The following LMAN2L variants were observed in gnomAD, a reference collection of about 807,000 sequenced individuals.
LMAN2L encodes the protein lectin, mannose binding 2 like.
A neutral mutation model predicts 44.3 loss-of-function variants in LMAN2L; 30 were observed. The observed-to-expected ratio is 0.68, with a 90% CI of 0.51 to 0.92. The LOEUF is 0.92. Ranked by LOEUF, LMAN2L falls within the 40% of genes least tolerant of loss-of-function variation. LMAN2L has a pLI of 0.00. For missense variants in LMAN2L, 429 were observed against 446.1 expected, an observed-to-expected ratio of 0.96 and a Z score of 0.35; for synonymous variants, 183 against 171.1, an observed-to-expected ratio of 1.07 and a Z score of -0.54.
intron 4 of LMAN2L, among the ~76,000 whole-genome samples, chr2:96,732,251 G>A (rs2078414758): frequency 6.9e-6 from 1 of 145,122 alleles, no homozygotes; most frequent in South Asian, 2.1e-4. Context: ...TTCCTCGCTA[G>A]GTACTTAGCT....
At chr2:96,712,702 C>T (rs868855266) in intron 4 of LMAN2L, among the ~76,000 whole-genome samples, 3 of 152,286 alleles carry the variant, frequency 2.0e-5, no homozygotes, top group Middle Eastern at 3.4e-3. Context: ...GTAACTTCTC[C>T]GAATAATAAT....
chr2:96,718,256 G>A (rs1029223675), intron 4 of LMAN2L, among the ~76,000 whole-genome samples: 9 of 152,030 alleles, frequency 5.9e-5, no homozygotes, highest in South Asian at 2.1e-4. Flanking sequence ...GTGCGTGGCC[G>A]GTTGTATTCT....
chr2:96,725,617 G>T (rs2078254385), intron 4 of LMAN2L, among the ~76,000 whole-genome samples: 1 of 148,950 alleles, frequency 6.7e-6, no homozygotes, highest in African/African-American at 2.5e-5. Context: ...TGATTTTTTT[G>T]TATTTTTTTA....
chr2:96,725,488 G>A (rs1346819530), intron 4 of LMAN2L, among the ~76,000 whole-genome samples: 6 of 150,892 alleles, frequency 4.0e-5, no homozygotes, highest in African/African-American at 1.5e-4. Context: ...TGTCACCCAG[G>A]CTGGAGTGCA....
At chr2:96,725,043 G>C (rs1307965526) in intron 4 of LMAN2L, among the ~76,000 whole-genome samples, 1 of 152,088 alleles carries the variant, frequency 6.6e-6, no homozygotes, top group Non-Finnish European at 1.5e-5. Context: ...GTGTTACCCA[G>C]GATGGTCTCG....
intron 6 of LMAN2L, among the ~76,000 whole-genome samples, chr2:96,710,478 C>T (rs1195914747): frequency 6.6e-6 from 1 of 152,134 alleles, no homozygotes. Flanking sequence ...CCATCCTGGC[C>T]AACATGGTGA....
chr2:96,724,852 G>T (rs1357708597), intron 4 of LMAN2L, among the ~76,000 whole-genome samples: 6 of 148,650 alleles, frequency 4.0e-5, no homozygotes, highest in South Asian at 2.1e-4. Flanking sequence ...TTTTTTTTTT[G>T]ATGGAGTCTT....
chr2:96,731,706 T>G (rs2078401446), intron 4 of LMAN2L, among the ~76,000 whole-genome samples: 1 of 152,108 alleles, frequency 6.6e-6, no homozygotes, highest in Non-Finnish European at 1.5e-5. Flanking sequence ...TAACAGCTGT[T>G]GAATCTAAGC....
intron 4 of LMAN2L, among the ~76,000 whole-genome samples, chr2:96,716,136 C>G (rs1363034438): frequency 6.6e-6 from 1 of 152,148 alleles, no homozygotes; most frequent in Admixed American, 6.5e-5. Context: ...TGTGATCAAC[C>G]ATTAATATTT....
intron 1 of LMAN2L, 100 bp from the exon 2 acceptor site, chr2:96,738,167 C>G: frequency 2.7e-6 from 2 of 745,412 alleles, no homozygotes; most frequent in Non-Finnish European, 4.6e-6. Flanking sequence ...ATCTTTTTCC[C>G]CCTTTAATGT....
Position 96,706,403 on chromosome 2 carries a change from G to C in LMAN2L, c.*853C>G, listed in dbSNP as rs1464561177. The C allele has an allele frequency of 1.3e-5, 2 of 152,238 alleles. No homozygotes were observed. Among genetic ancestry groups the C allele is most frequent in the Non-Finnish European group, 2.9e-5 (2 of 68,048 alleles). The allele number at this position is 152,238 out of a possible 1,614,324, so 9.4% of individuals were successfully genotyped here. ...ATGGTCAGACCACATGACAAATGTT[G>C]CTTTTGGTTTGATCAAACCTGGAGC... On this transcript the variant is annotated 3_prime_UTR_variant, in exon 8 of 8. Coordinates refer to ENST00000264963, the MANE Select transcript of LMAN2L (RefSeq NM_030805.4).
intron 4 of LMAN2L, 109 bp from the exon 5 acceptor site, chr2:96,712,134 T>C (rs1376942716): frequency 1.8e-6 from 2 of 1,096,992 alleles, no homozygotes; most frequent in East Asian, 2.5e-5. Flanking sequence ...TACAGCAGAA[T>C]AGGCAGCCAC....
intron 6 of LMAN2L, among the ~76,000 whole-genome samples, chr2:96,710,743 T>C (rs2077897282): frequency 6.6e-6 from 1 of 152,232 alleles, no homozygotes; most frequent in Non-Finnish European, 1.5e-5. Flanking sequence ...CATTTCCTTT[T>C]AGCTACAATG....
chr2:96,713,170 C>T (rs1356943809), intron 4 of LMAN2L: 7 of 1,546,218 alleles, frequency 4.5e-6, no homozygotes, highest in African/African-American at 1.4e-5. Flanking sequence ...ATGATAAAAA[C>T]AAGAGAGGGC....
chr2:96,726,451 G>A lies in LMAN2L; in HGVS notation c.507+7068C>T, dbSNP rs892116981. On this transcript the variant is annotated intron_variant, in intron 4 of 7. Transcript: ENST00000264963. ...CCTCATTTTATTCCTGATCTTAGAA[G>A]GAAAGAATTCAACTGTTTACCACTA... Among the ~76,000 whole-genome samples, 28 of 152,090 alleles carry A rather than the reference G, an allele frequency of 1.8e-4. No homozygotes were observed. In the South Asian group the frequency reaches 2.5e-3, roughly 14 times the overall value.
chr2:96,736,671 G>A (rs750802983), intron 2 of LMAN2L, among the ~76,000 whole-genome samples: 14 of 151,982 alleles, frequency 9.2e-5, no homozygotes, highest in Non-Finnish European at 8.8e-5. Context: ...TTATTCTCAC[G>A]ACAACCCCAG....
At chr2:96,735,559 C>T (rs2078496006) in intron 2 of LMAN2L, among the ~76,000 whole-genome samples, 1 of 152,200 alleles carries the variant, frequency 6.6e-6, no homozygotes, top group Non-Finnish European at 1.5e-5. Flanking sequence ...AGAGAAACGG[C>T]CCAGCGCGGT....
chr2:96,711,878 T>A lies in LMAN2L; in HGVS notation c.655A>T (p.Lys219Ter). ...YDTFLVIRYVKRHLTIMMDID... is the reference protein window; with the variant it reads ...YDTFLVIRYV Reference sequence around the variant, plus strand: ...AGGACTCTCACCGTCAAATGCCTCTTGACGTAGCGAATCACCAGGAAGGTG... The same window carrying A: ...AGGACTCTCACCGTCAAATGCCTCTAGACGTAGCGAATCACCAGGAAGGTG... Residue 219 changes from lysine to a stop codon, truncating the protein, a stop_gained, in exon 5 of 8, where the codon AAG (lysine) becomes TAG (stop). Transcript: ENST00000264963. LOFTEE classifies it high-confidence loss of function. 1 of 1,614,238 alleles carries A rather than the reference T, an allele frequency of 6.2e-7. No homozygotes were observed. Among genetic ancestry groups the A allele is most frequent in the Non-Finnish European group, 8.5e-7 (1 of 1,180,050 alleles).
At position 96,707,310 on chromosome 2, in the gene LMAN2L, A is replaced by G. The variant is rs2077804834; in HGVS notation, c.993T>C (p.Ile331=). ...SLVFSVFAIV[I]GIILYNKWQE... ...GCCATTTGTTGTAGAGTATGATACC[A>G]ATGACTATGGCAAATACAGAAAACA... Residue 331 remains isoleucine (I), a synonymous_variant, in exon 8 of 8, where the codon ATT becomes ATC. Coordinates refer to ENST00000264963, the MANE Select transcript of LMAN2L (RefSeq NM_030805.4). 1 of 1,614,132 alleles carries G rather than the reference A, an allele frequency of 6.2e-7. No homozygotes were observed.
Sources: gnomAD v4.1 joint callset for allele counts (sites outside exome capture counted in the v4.1 genomes callset) on GRCh38, gnomAD v4.1.1 for gene constraint, MANE v1.5 for transcripts, NCBI Gene and HGNC (gene_info 2026-07-23, HGNC 2026-07-21) for gene names.